The following ZBTB20 variants were observed in gnomAD, a reference collection of about 807,000 sequenced individuals.
ZBTB20 encodes the protein zinc finger and BTB domain containing 20.
ZBTB20 carries 9 observed loss-of-function variants against 56.9 expected under a neutral mutation model. The observed-to-expected ratio is 0.16, with a 90% CI of 0.10 to 0.28. The LOEUF is 0.28. ZBTB20 is among the 10% of genes least tolerant of loss of function. ZBTB20 has a pLI of 1.00. For missense variants in ZBTB20, 655 were observed against 1,003.0 expected (o/e 0.65, Z 4.69); for synonymous variants, 417 against 420.7 (o/e 0.99, Z 0.11).
At chr3:114,381,956 C>T (rs1489569627) in intron 8 of ZBTB20, among the ~76,000 whole-genome samples, 3 of 152,130 alleles carry the variant, frequency 2.0e-5, no homozygotes, top group Admixed American at 1.3e-4. Context: ...GAGTAACCCC[C>T]AAATCTTGAG....
At chr3:115,084,508 G>A (rs1050965645) in intron 1 of ZBTB20, among the ~76,000 whole-genome samples, 1 of 151,408 alleles carries the variant, frequency 6.6e-6, no homozygotes, top group Non-Finnish European at 1.5e-5. Context: ...GCCAAATGAA[G>A]GTCAATCTGT....
chr3:114,627,935 G>A (rs1047226104), intron 6 of ZBTB20, among the ~76,000 whole-genome samples: 4 of 152,092 alleles, frequency 2.6e-5, no homozygotes, highest in Non-Finnish European at 5.9e-5. Context: ...GTAGAGTTCC[G>A]GGCTGGGAGT....
chr3:114,509,229 T>A (rs1577178332), intron 6 of ZBTB20, among the ~76,000 whole-genome samples: 1 of 152,102 alleles, frequency 6.6e-6, no homozygotes, highest in South Asian at 2.1e-4. Context: ...TGAGACTGCT[T>A]CTTTGGGGAT....
At chr3:114,759,707 A>T (rs2068297159) in intron 5 of ZBTB20, among the ~76,000 whole-genome samples, 1 of 152,122 alleles carries the variant, frequency 6.6e-6, no homozygotes, top group Non-Finnish European at 1.5e-5. Flanking sequence ...AAAAAATCTC[A>T]TACCTCATCC....
At chr3:114,678,536 G>A (rs1463915208) in intron 6 of ZBTB20, among the ~76,000 whole-genome samples, 1 of 152,120 alleles carries the variant, frequency 6.6e-6, no homozygotes, top group African/African-American at 2.4e-5. Context: ...GATTTGAAGT[G>A]AGTAACTTCA....
intron 5 of ZBTB20, among the ~76,000 whole-genome samples, chr3:114,746,607 C>T (rs933549833): frequency 1.6e-4 from 24 of 152,108 alleles, no homozygotes; most frequent in African/African-American, 5.8e-4. Flanking sequence ...ACAGCTACAA[C>T]AGTGTTTGAA....
chr3:114,652,007 C>A (rs2060162566), intron 6 of ZBTB20, among the ~76,000 whole-genome samples: 1 of 151,858 alleles, frequency 6.6e-6, no homozygotes, highest in African/African-American at 2.4e-5. Flanking sequence ...TGATTAGGGT[C>A]AACATGAAAT....
intron 7 of ZBTB20, among the ~76,000 whole-genome samples, chr3:114,425,684 C>T (rs1471062999): frequency 2.0e-5 from 3 of 152,136 alleles, no homozygotes; most frequent in African/African-American, 7.2e-5. Flanking sequence ...ATGCACTCAT[C>T]CATCTTTTCT....
chr3:114,651,552 A>T (rs2060132558), intron 6 of ZBTB20, among the ~76,000 whole-genome samples: 1 of 79,360 alleles, frequency 1.3e-5, no homozygotes, highest in African/African-American at 2.1e-4. Context: ...TTGGATAGTA[A>T]AAAAAAAAAA....
intron 6 of ZBTB20, among the ~76,000 whole-genome samples, chr3:114,523,479 ATG>A (rs1023842112): frequency 2.6e-5 from 4 of 152,218 alleles, no homozygotes; most frequent in African/African-American, 9.6e-5. Flanking sequence ...GAGATAAATT[ATG>A]TGTTTGTATA....
At chr3:114,533,514 T>C (rs537170284) in intron 6 of ZBTB20, among the ~76,000 whole-genome samples, 4 of 152,286 alleles carry the variant, frequency 2.6e-5, no homozygotes, top group South Asian at 2.1e-4. Flanking sequence ...CTACGTTTCA[T>C]TGGTGTACCT....
At chr3:114,738,877 A>G (rs988928891) in intron 5 of ZBTB20, among the ~76,000 whole-genome samples, 4 of 152,232 alleles carry the variant, frequency 2.6e-5, no homozygotes, top group Non-Finnish European at 5.9e-5. Context: ...AGGACTTTAT[A>G]GAACATTAAA....
rs1195439669 is a variant in ZBTB20, at chr3:114,541,034, T to C, written c.-294-40643A>G. Reference sequence around the variant, plus strand: ...CTCTTGAATATAGGATCAGATTACCTAGGCTTCCAGGGAATAGTAAGACCA... The same window carrying C: ...CTCTTGAATATAGGATCAGATTACCCAGGCTTCCAGGGAATAGTAAGACCA... On this transcript the variant is annotated intron_variant, in intron 6 of 11. Transcript: ENST00000675478. Among the ~76,000 whole-genome samples, 4 of 152,188 alleles carry C rather than the reference T, an allele frequency of 2.6e-5. No individual in the cohort carries two copies. The East Asian group carries it at 5.8e-4, about 22-fold the overall frequency.
chr3:114,529,209 C>T (rs542650274), intron 6 of ZBTB20: 6 of 152,294 alleles, frequency 3.9e-5, no homozygotes, highest in East Asian at 1.9e-4. Context: ...AAGTGACATA[C>T]GCTGTCCCAG....
intron 6 of ZBTB20, among the ~76,000 whole-genome samples, chr3:114,637,523 T>C (rs1350606387): frequency 6.6e-6 from 1 of 152,136 alleles, no homozygotes; most frequent in African/African-American, 2.4e-5. Context: ...TTCTGTGGTG[T>C]ATGCAGACTA....
At chr3:114,776,217 T>C (rs1231690228) in intron 5 of ZBTB20, among the ~76,000 whole-genome samples, 8 of 151,310 alleles carry the variant, frequency 5.3e-5, no homozygotes, top group Non-Finnish European at 1.0e-4. Context: ...CATCTCAAAA[T>C]GTGTCCACGT....
chr3:115,119,533 G>C (rs1467141243), intron 1 of ZBTB20, among the ~76,000 whole-genome samples: 2 of 152,054 alleles, frequency 1.3e-5, no homozygotes, highest in Non-Finnish European at 2.9e-5. Flanking sequence ...TGAGAAATGT[G>C]AGATCCAAGG....
At chr3:114,944,983 C>A (rs1236234335) in intron 3 of ZBTB20, among the ~76,000 whole-genome samples, 1 of 145,420 alleles carries the variant, frequency 6.9e-6, no homozygotes, top group Non-Finnish European at 1.5e-5. Flanking sequence ...TTTAAATGTT[C>A]TTACCATAAA....
At chr3:114,969,760 T>C (rs1016522279) in intron 3 of ZBTB20, among the ~76,000 whole-genome samples, 3 of 152,202 alleles carry the variant, frequency 2.0e-5, no homozygotes, top group South Asian at 2.1e-4. Flanking sequence ...AGTAAAATTA[T>C]AGATTTTTGT....
Sources: gnomAD v4.1 joint callset for allele counts (sites outside exome capture counted in the v4.1 genomes callset) on GRCh38, gnomAD v4.1.1 for gene constraint, MANE v1.5 for transcripts, NCBI Gene and HGNC (gene_info 2026-07-23, HGNC 2026-07-21) for gene names.